EPM2A: variants seen among roughly 807,000 people sequenced by gnomAD.
EPM2A encodes the protein laforin.
In EPM2A, 21 loss-of-function variants were observed where a neutral mutation model predicts 26.5. The ratio of observed to expected loss-of-function variants is 0.79; its 90% CI spans 0.56 to 1.14. EPM2A has a LOEUF of 1.14. Ranked by LOEUF, EPM2A falls within the 50% of genes most tolerant of loss-of-function variation. The pLI is 0.00. For synonymous variants in EPM2A, 217 were observed against 177.6 expected, an observed-to-expected ratio of 1.22 and a Z score of -1.76; for missense variants, 458 against 440.8, an observed-to-expected ratio of 1.04 and a Z score of -0.35.
intron 2 of EPM2A, 51 bp downstream of exon 2, chr6:145,686,068 CTAA>C (rs1391765695): frequency 2.7e-6 from 4 of 1,494,596 alleles, no homozygotes; most frequent in Non-Finnish European, 3.7e-6. Context: ...TTCCATTGTG[CTAA>C]TGCTATCTCT....
chr6:145,534,013 A>T (rs1780398177), intron 2 of EPM2A, among the ~76,000 whole-genome samples: 1 of 152,032 alleles, frequency 6.6e-6, no homozygotes, highest in Admixed American at 6.6e-5. Context: ...TGTCAAGAGG[A>T]GTTGTTGGAT....
At chr6:145,700,283 CT>C (rs1562501439) in intron 1 of EPM2A, among the ~76,000 whole-genome samples, 1 of 152,052 alleles carries the variant, frequency 6.6e-6, no homozygotes, top group African/African-American at 2.4e-5. Flanking sequence ...TTCTAATAAT[CT>C]TTAATGTTGA....
chr6:145,617,298 A>G (rs1775534779), intron 2 of EPM2A, among the ~76,000 whole-genome samples: 1 of 152,130 alleles, frequency 6.6e-6, no homozygotes, highest in African/African-American at 2.4e-5. Context: ...TTCCAGCATG[A>G]TTATGAGGCC....
chr6:145,628,354 TATTAG>T (rs1775983361), intron 3 of EPM2A: 1 of 153,738 alleles, frequency 6.5e-6, no homozygotes, highest in African/African-American at 2.4e-5. Context: ...CCATTTTGAT[TATTAG>T]ATTATTCAAA....
chr6:145,670,959 A>G (rs1398097042), intron 2 of EPM2A: 4 of 984,330 alleles, frequency 4.1e-6, no homozygotes, highest in African/African-American at 1.7e-5. Context: ...TTCCTTTCCT[A>G]CTGATATGAA....
chr6:145,484,320 G>GTT (rs548073865), intron 4 of EPM2A, among the ~76,000 whole-genome samples: 1 of 149,770 alleles, frequency 6.7e-6, no homozygotes, highest in Non-Finnish European at 1.5e-5. Flanking sequence ...ATGATTTTCT[G>GTT]TTTTTTTTTC....
chr6:145,667,987 G>A (rs1208894923), intron 2 of EPM2A, among the ~76,000 whole-genome samples: 1 of 144,196 alleles, frequency 6.9e-6, no homozygotes, highest in Admixed American at 7.1e-5. Context: ...ACACATGAAG[G>A]GGAATACCAC....
At chr6:145,561,376 C>T (rs1222712728) in intron 2 of EPM2A, among the ~76,000 whole-genome samples, 1 of 152,130 alleles carries the variant, frequency 6.6e-6, no homozygotes, top group Non-Finnish European at 1.5e-5. Context: ...TCTCAGAAGG[C>T]ATCCCCATTT....
intron 2 of EPM2A, among the ~76,000 whole-genome samples, chr6:145,674,029 T>G (rs1482957326): frequency 1.3e-5 from 2 of 152,134 alleles, no homozygotes; most frequent in Non-Finnish European, 2.9e-5. Context: ...GGGAGACACC[T>G]ACCAGTAGGG....
Position 145,677,451 on chromosome 6 carries a change from A to G in EPM2A, c.476+8671T>C, listed in dbSNP as rs1780143394. On this transcript the variant is annotated intron_variant, in intron 2 of 3. Coordinates refer to ENST00000367519, the MANE Select transcript of EPM2A (RefSeq NM_005670.4). ...TGGCCAGGACAATCAGGCAAGAGAAAGAAATAAAGGGTATTCAATTAGGAA... is the reference window on the plus strand; with the variant it reads ...TGGCCAGGACAATCAGGCAAGAGAAGGAAATAAAGGGTATTCAATTAGGAA... Among the ~76,000 whole-genome samples the G allele has an allele frequency of 2.6e-5, 4 of 152,154 alleles. No individual in the cohort carries two copies. The South Asian group carries it at 8.3e-4, about 31-fold the overall frequency.
chr6:145,735,178 C>T lies in EPM2A; in HGVS notation c.301+20G>A, dbSNP rs1020264217. 5 of 1,477,636 alleles carry T rather than the reference C, an allele frequency of 3.4e-6. No individual in the cohort carries two copies. Among genetic ancestry groups the T allele is most frequent in the South Asian group, 2.5e-5 (2 of 79,158 alleles). 91.5% of individuals were successfully genotyped at this position (1,477,636 alleles called of 1,614,324 possible). A position where few individuals can be genotyped will look rare whatever the true frequency, so the allele number is the denominator to read the frequency against. The stretch of plus-strand genomic sequence containing the variant: ...CGGAGCTCCCGCTCTGCGCCGGGGG[C>T]AGGCGTCTGCTGGCAATACCTTCCC... On this transcript the variant is annotated intron_variant, in intron 1 of 3. Transcript: ENST00000367519.
chr6:145,596,338 T>C (rs1448234846), intron 2 of EPM2A, among the ~76,000 whole-genome samples: 1 of 152,176 alleles, frequency 6.6e-6, no homozygotes, highest in Non-Finnish European at 1.5e-5. Context: ...TCTTCCACTA[T>C]TGTTTTGGAG....
intron 2 of EPM2A, among the ~76,000 whole-genome samples, chr6:145,534,110 G>T (rs1780399472): frequency 6.6e-6 from 1 of 152,236 alleles, no homozygotes; most frequent in South Asian, 2.1e-4. Flanking sequence ...TTGAGAATCT[G>T]CTGTTCGGTG....
At chr6:145,456,672 T>C (rs1243859489) in intron 4 of EPM2A, among the ~76,000 whole-genome samples, 1 of 152,192 alleles carries the variant, frequency 6.6e-6, no homozygotes, top group Non-Finnish European at 1.5e-5. Flanking sequence ...TTAAGAGGAA[T>C]TGGAGGTAGA....
chr6:145,612,759 TTATA>T (rs752291416), intron 2 of EPM2A, among the ~76,000 whole-genome samples: 4 of 146,776 alleles, frequency 2.7e-5, no homozygotes, highest in Non-Finnish European at 6.0e-5. Context: ...TATATGTATT[TTATA>T]TATATATATA....
intron 4 of EPM2A, among the ~76,000 whole-genome samples, chr6:145,493,778 GA>G (rs1370585605): frequency 6.6e-6 from 1 of 152,150 alleles, no homozygotes; most frequent in African/African-American, 2.4e-5. Flanking sequence ...TTTATGTGAT[GA>G]ATCACATTAA....
chr6:145,438,445 G>A (rs1779017333), intron 4 of EPM2A, among the ~76,000 whole-genome samples: 1 of 146,344 alleles, frequency 6.8e-6, no homozygotes, highest in African/African-American at 2.5e-5. Flanking sequence ...TATTCCCAGT[G>A]TAGATTCTCC....
At position 145,686,246 on chromosome 6, in the gene EPM2A, C is replaced by T. The variant is rs903313803; in HGVS notation, c.352G>A (p.Val118Met). 5.0e-6 allele frequency: 8 copies of T among 1,613,836 alleles called. No homozygotes were observed. In the Admixed American group the frequency reaches 1.0e-4, roughly 20 times the overall value. Residue 118 changes from valine (V) to methionine (M), a missense_variant, in exon 2 of 4, where the codon GTG becomes ATG. Physicochemically the swap from Val to Met is conservative, Grantham distance 21. Transcript: ENST00000367519. ...ATTGGGAGACAATACACACCATCCA[C>T]CAAGTTGTTTTCATTGTAAGTACAG... ...RCCTYNENNL[V>M]DGVYCLPIGH...
Position 145,626,035 on chromosome 6 carries a change from T to C in EPM2A, c.*1381A>G, listed in dbSNP as rs1287057397. ...GACCTTAGTTTCCCCATCTTTATCA[T>C]GGAGATAATGAGACCTTCTTCATTG... is the stretch of plus-strand genomic sequence containing the variant. On this transcript the variant is annotated 3_prime_UTR_variant, in exon 4 of 4. Transcript: ENST00000367519. The C allele has an allele frequency of 8.0e-6, 9 of 1,126,064 alleles. No homozygotes were observed. The African/African-American group carries it at 1.1e-4, about 14-fold the overall frequency. 69.8% of individuals were successfully genotyped at this position (1,126,064 alleles called of 1,614,324 possible).
Sources: gnomAD v4.1 joint callset for allele counts (sites outside exome capture counted in the v4.1 genomes callset) on GRCh38, gnomAD v4.1.1 for gene constraint, MANE v1.5 for transcripts, NCBI Gene and HGNC (gene_info 2026-07-23, HGNC 2026-07-21) for gene names.